The following STAB2 variants were observed in gnomAD, a reference collection of about 807,000 sequenced individuals.
STAB2 encodes the protein stabilin 2.
A neutral mutation model predicts 338.1 loss-of-function variants in STAB2; 288 were observed. That is an observed-to-expected ratio of 0.85 (90% CI 0.77 to 0.94). STAB2 has a LOEUF of 0.94. Among genes scored for constraint, STAB2 ranks in the 40% least tolerant of loss-of-function variants. The probability of loss-of-function intolerance (pLI) is 0.00; values close to 1 mark genes in which losing one functional copy is unlikely to be tolerated. For synonymous variants in STAB2, 1,202 were observed against 1,193.3 expected, an observed-to-expected ratio of 1.01 and a Z score of -0.15; for missense variants, 3,141 against 3,210.1, an observed-to-expected ratio of 0.98 and a Z score of 0.52.
Position 103,727,370 on chromosome 12 carries a change from C to A in STAB2, c.4935+20C>A. The A allele has an allele frequency of 1.9e-6, 3 of 1,613,598 alleles. No homozygotes were observed. Among genetic ancestry groups the A allele is most frequent in the Non-Finnish European group, 2.5e-6 (3 of 1,179,508 alleles). ...GCTCGGGTGAGCATGAGACTGTGGG[C>A]AGAAGGGGGAGGTCTGCGGCTGGAA... On this transcript the variant is annotated intron_variant, in intron 47 of 68. Transcript: ENST00000388887.
rs1265813279 is a variant in STAB2 at position 103,705,679 on chromosome 12, A to G, written c.3948A>G (p.Arg1316=). Residue 1316 remains arginine (R), a synonymous_variant, in exon 37 of 69, where the codon AGA becomes AGG. Transcript: ENST00000388887. ...TCTATACCTCCTATTTCATGGGAAG[A>G]CGAACCCTGTTTATTGGGTGCCAGC... ...RCIYTSYFMG[R]RTLFIGCQPK... is the part of the protein sequence containing the mutation. The G allele has an allele frequency of 1.2e-6, 2 of 1,614,214 alleles. No homozygotes were observed. The highest frequency in any genetic ancestry group is 1.7e-5 in the Admixed American group (1 of 60,030).
At chr12:103,654,814 C>T (rs831425) in intron 13 of STAB2, 116 bp downstream of exon 13, 1,043,830 of 1,301,384 alleles carry the variant, frequency 0.8, 420,398 homozygotes, top group Non-Finnish European at 0.82. Flanking sequence ...GCTAGGATCC[C>T]GAGCAGAGAG....
intron 3 of STAB2, among the ~76,000 whole-genome samples, chr12:103,606,627 G>A (rs559052243): frequency 6.6e-6 from 1 of 152,146 alleles, no homozygotes; most frequent in Admixed American, 6.5e-5. Flanking sequence ...ATTTTAAGTT[G>A]ACAATTTTTT....
intron 27 of STAB2, among the ~76,000 whole-genome samples, chr12:103,685,649 A>G (rs980454636): frequency 1.3e-5 from 2 of 152,180 alleles, no homozygotes; most frequent in Non-Finnish European, 2.9e-5. Flanking sequence ...CTTCAGCTCC[A>G]GAGTGAGGAA....
chr12:103,766,399 C>T lies in STAB2; in HGVS notation c.*63C>T, dbSNP rs1346202209. 3 of 1,545,220 alleles carry T rather than the reference C, an allele frequency of 1.9e-6. No individual in the cohort carries two copies. Among genetic ancestry groups the T allele is most frequent in the East Asian group, 4.5e-5 (2 of 44,396 alleles). On this transcript the variant is annotated 3_prime_UTR_variant, in exon 69 of 69. Coordinates refer to ENST00000388887, the MANE Select transcript of STAB2 (RefSeq NM_017564.10). ...ACCTGGGCCATCAACTGTGAATTCTCAGCACCAGTTGCCTTTTAGGAACGT... is the reference window on the plus strand; with the variant it reads ...ACCTGGGCCATCAACTGTGAATTCTTAGCACCAGTTGCCTTTTAGGAACGT...
intron 37 of STAB2, 39 bp downstream of exon 37, chr12:103,705,766 C>T: frequency 1.3e-6 from 2 of 1,585,166 alleles, no homozygotes; most frequent in Non-Finnish European, 8.7e-7. Context: ...TACTGCAGCA[C>T]CATTGGGAAA....
In STAB2 at chr12:103,690,444, C is replaced by A. The variant is rs1250651511; in HGVS notation, c.3203C>A (p.Thr1068Lys). ...ALIKYHMLLGTYRVADLQTLS... is the reference protein window; with the variant it reads ...ALIKYHMLLGKYRVADLQTLS... ...TTCAGGTACCATATGCTACTAGGCA[C>A]ATACAGAGTGGCAGATCTGCAGACC... Residue 1068 changes from threonine to lysine, a missense_variant, in exon 30 of 69, where the codon ACA becomes AAA. By Grantham distance (78) the Thr-to-Lys change is moderately conservative (BLOSUM62 -1). Transcript: ENST00000388887. The A allele has an allele frequency of 6.2e-7, 1 of 1,613,992 alleles. No homozygotes were observed.
At chr12:103,670,219 A>G (rs1165518201) in intron 21 of STAB2, among the ~76,000 whole-genome samples, 1 of 152,184 alleles carries the variant, frequency 6.6e-6, no homozygotes, top group Non-Finnish European at 1.5e-5. Context: ...AGTACAAATG[A>G]CTGCGGCCAG....
At chr12:103,728,534 C>T (rs1231636245) in intron 47 of STAB2, among the ~76,000 whole-genome samples, 1 of 152,248 alleles carries the variant, frequency 6.6e-6, no homozygotes, top group African/African-American at 2.4e-5. Context: ...GCATGTTTCA[C>T]AAGAAAATTC....
chr12:103,712,673 A>G (rs1879975039), intron 41 of STAB2, among the ~76,000 whole-genome samples: 1 of 152,242 alleles, frequency 6.6e-6, no homozygotes, highest in South Asian at 2.1e-4. Flanking sequence ...ATTTGTGTTG[A>G]GAACCCACAT....
chr12:103,755,772 C>T (rs1593345396), intron 63 of STAB2, 54 bp downstream of exon 63: 1 of 1,574,558 alleles, frequency 6.4e-7, no homozygotes, highest in East Asian at 2.2e-5. Context: ...TGCCTCAAAG[C>T]AGGTATTAGA....
intron 51 of STAB2, among the ~76,000 whole-genome samples, chr12:103,733,757 A>T (rs879827259): frequency 6.6e-6 from 1 of 151,938 alleles, no homozygotes; most frequent in South Asian, 2.1e-4. Context: ...TCATATAGGA[A>T]CATACATGAT....
At chr12:103,710,759 T>C (rs557297435) in intron 39 of STAB2, among the ~76,000 whole-genome samples, 2 of 152,344 alleles carry the variant, frequency 1.3e-5, no homozygotes, top group Admixed American at 1.3e-4. Context: ...TGCAGGCCTC[T>C]GTTTCAGGAC....
intron 52 of STAB2, among the ~76,000 whole-genome samples, chr12:103,737,035 A>C (rs1882187349): frequency 6.6e-6 from 1 of 152,228 alleles, no homozygotes; most frequent in South Asian, 2.1e-4. Flanking sequence ...TACAAAGTTA[A>C]AGCCTGTCAC....
rs1191612006 is a variant in STAB2 at position 103,755,643 on chromosome 12, G to A, written c.6912G>A (p.Val2304=). 6.2e-7 allele frequency: 1 copy of A among 1,614,154 alleles called. No individual in the cohort carries two copies. The highest frequency in any genetic ancestry group is 8.5e-7 in the Non-Finnish European group (1 of 1,180,038). Residue 2304 remains valine, a synonymous_variant, in exon 63 of 69, where the codon GTG becomes GTA. Transcript: ENST00000388887. The stretch of plus-strand genomic sequence containing the variant: ...ACTGCACCTGCAAGGTGGGCTATGT[G>A]GGAGATGGCTTCTCATGCAGTGGGA... ...DVNCTCKVGY[V]GDGFSCSGNL...
intron 46 of STAB2, 53 bp from the exon 47 acceptor site, chr12:103,727,214 G>T: frequency 6.3e-7 from 1 of 1,594,910 alleles, no homozygotes; most frequent in South Asian, 1.1e-5. Context: ...TTGAGCCCCG[G>T]CATGTATTGA....
At chr12:103,624,719 G>A (rs540560283) in intron 5 of STAB2, among the ~76,000 whole-genome samples, 11 of 152,184 alleles carry the variant, frequency 7.2e-5, no homozygotes, top group South Asian at 4.2e-4. Flanking sequence ...AGCTGGATCC[G>A]TTGAGGTCAG....
chr12:103,707,678 C>T (rs1450437785), intron 38 of STAB2, among the ~76,000 whole-genome samples: 4 of 152,156 alleles, frequency 2.6e-5, no homozygotes, highest in African/African-American at 9.7e-5. Context: ...AGTGTTGACT[C>T]CAGAGTTTGG....
At chr12:103,602,916 C>T (rs1956974267) in intron 3 of STAB2, among the ~76,000 whole-genome samples, 1 of 152,100 alleles carries the variant, frequency 6.6e-6, no homozygotes, top group Non-Finnish European at 1.5e-5. Context: ...ATGTATCATG[C>T]TTTTATAGAT....
Sources: gnomAD v4.1 joint callset for allele counts (sites outside exome capture counted in the v4.1 genomes callset) on GRCh38, gnomAD v4.1.1 for gene constraint, MANE v1.5 for transcripts, NCBI Gene and HGNC (gene_info 2026-07-23, HGNC 2026-07-21) for gene names.